PLCL1: variants seen among roughly 807,000 people sequenced by gnomAD.
The protein encoded by PLCL1 is phospholipase C like 1 (inactive), also known as inactive phospholipase C-like protein 1.
A neutral mutation model predicts 84.4 loss-of-function variants in PLCL1; 41 were observed. That is an observed-to-expected ratio of 0.49 (90% CI 0.38 to 0.63). The LOEUF is 0.63. Ranked by LOEUF, PLCL1 falls within the 30% of genes least tolerant of loss-of-function variation. The pLI is 0.00. For missense variants in PLCL1, 1,206 were observed against 1,367.8 expected, an observed-to-expected ratio of 0.88 and a Z score of 1.87; for synonymous variants, 490 against 488.3, an observed-to-expected ratio of 1.00 and a Z score of -0.05.
At chr2:198,146,651 A>C (rs1285360650) in intron 5 of PLCL1, 129 bp from the exon 6 acceptor site, 36 of 693,738 alleles carry the variant, frequency 5.2e-5, no homozygotes, top group Admixed American at 1.2e-4. Context: ...AAACCCTGGA[A>C]AAGTGAGCTT....
intron 1 of PLCL1, among the ~76,000 whole-genome samples, chr2:197,817,021 G>A (rs1402139240): frequency 6.6e-6 from 1 of 152,122 alleles, no homozygotes; most frequent in Non-Finnish European, 1.5e-5. Flanking sequence ...TTAGTGTCAT[G>A]GCCAAATGGT....
intron 1 of PLCL1, among the ~76,000 whole-genome samples, chr2:198,026,000 A>C (rs1355860302): frequency 3.3e-5 from 5 of 152,168 alleles, no homozygotes; most frequent in African/African-American, 1.2e-4. Flanking sequence ...TTGTCTCTTT[A>C]TAGGTTTAGT....
chr2:197,815,394 T>A (rs1690666977), intron 1 of PLCL1, among the ~76,000 whole-genome samples: 1 of 152,172 alleles, frequency 6.6e-6, no homozygotes, highest in Admixed American at 6.5e-5. Context: ...AAAACATTCC[T>A]TTCAGAATAT....
chr2:197,993,323 A>G (rs1044582591), intron 1 of PLCL1, among the ~76,000 whole-genome samples: 1 of 152,084 alleles, frequency 6.6e-6, no homozygotes, highest in Non-Finnish European at 1.5e-5. Context: ...AGAAATGTCT[A>G]TTCAAGTCCT....
chr2:198,049,748 G>A (rs764799498), intron 1 of PLCL1, among the ~76,000 whole-genome samples: 2 of 152,204 alleles, frequency 1.3e-5, no homozygotes, highest in Non-Finnish European at 2.9e-5. Context: ...GCTTACAACT[G>A]TGTGGTGGTC....
intron 3 of PLCL1, among the ~76,000 whole-genome samples, chr2:198,100,367 T>G (rs1295644333): frequency 6.6e-6 from 1 of 150,902 alleles, no homozygotes; most frequent in Non-Finnish European, 1.5e-5. Flanking sequence ...ATATGGGGAG[T>G]GAGAAGGAGA....
chr2:198,089,160 G>A lies in PLCL1; in HGVS notation c.2919+99G>A. On this transcript the variant is annotated intron_variant, in intron 3 of 5. Transcript: ENST00000428675. ...GGAACTCCAATGAATAACACAGGGT[G>A]ACTACCTTTGAAACATGGATTGGAG... is the stretch of plus-strand genomic sequence containing the variant. 8.4e-6 allele frequency: 7 copies of A among 830,224 alleles called. No individual in the cohort carries two copies. In the South Asian group the frequency reaches 1.0e-4, roughly 12 times the overall value. The allele number at this position is 830,224 out of a possible 1,614,324, so 51.4% of individuals were successfully genotyped here.
intron 1 of PLCL1, among the ~76,000 whole-genome samples, chr2:197,993,432 T>A (rs1221338381): frequency 7.9e-5 from 12 of 152,154 alleles, no homozygotes. Context: ...GTGTGCTCCA[T>A]CATCAGGGTC....
At chr2:198,046,369 C>G (rs13022936) in intron 1 of PLCL1, among the ~76,000 whole-genome samples, 1 of 152,086 alleles carries the variant, frequency 6.6e-6, no homozygotes, top group African/African-American at 2.4e-5. Flanking sequence ...TACCAAGATG[C>G]TAAAGGAGAA....
Position 197,833,971 on chromosome 2 carries a change from T to C in PLCL1, c.240+28632T>C, listed in dbSNP as rs145443837. On this transcript the variant is annotated intron_variant, in intron 1 of 5. Transcript: ENST00000428675. The stretch of plus-strand genomic sequence containing the variant: ...TGGTACTGGTACCAAAACAGATATA[T>C]AGATCAGTGGAACAGAACAGAGGCC... Among the ~76,000 whole-genome samples the C allele has an allele frequency of 1.4e-3, 220 of 152,234 alleles. 4 individuals carry two copies. The East Asian group carries it at 0.032, about 22-fold the overall frequency.
chr2:197,923,424 T>G (rs1383208507), intron 1 of PLCL1, among the ~76,000 whole-genome samples: 7 of 118,348 alleles, frequency 5.9e-5, no homozygotes, highest in East Asian at 5.4e-4. Flanking sequence ...AGGCAGAGGG[T>G]CTCCTCACTT....
chr2:197,836,085 CCA>C (rs1277270495), intron 1 of PLCL1, among the ~76,000 whole-genome samples: 3 of 151,964 alleles, frequency 2.0e-5, no homozygotes, highest in Non-Finnish European at 4.4e-5. Flanking sequence ...TTGGCTGTTG[CCA>C]GTAGAAAGCA....
intron 1 of PLCL1, among the ~76,000 whole-genome samples, chr2:197,824,614 T>C (rs907790118): frequency 2.7e-5 from 4 of 149,918 alleles, no homozygotes; most frequent in African/African-American, 4.9e-5. Flanking sequence ...CTCTGGAGGC[T>C]GAGATGGGAG....
intron 1 of PLCL1, among the ~76,000 whole-genome samples, chr2:197,969,343 A>G (rs1689813159): frequency 1.3e-5 from 2 of 152,194 alleles, no homozygotes; most frequent in African/African-American, 2.4e-5. Flanking sequence ...TATGTCCTCT[A>G]TAATAGAGTT....
chr2:198,102,678 G>A (rs1267635186), intron 4 of PLCL1, among the ~76,000 whole-genome samples: 1 of 152,070 alleles, frequency 6.6e-6, no homozygotes, highest in Non-Finnish European at 1.5e-5. Flanking sequence ...AGCTGAATAT[G>A]TTTGAATGGT....
At chr2:197,848,118 G>A (rs759137361) in intron 1 of PLCL1, among the ~76,000 whole-genome samples, 1 of 152,184 alleles carries the variant, frequency 6.6e-6, no homozygotes, top group Non-Finnish European at 1.5e-5. Flanking sequence ...GTATACCAGT[G>A]AATTTATTTC....
At chr2:197,936,191 G>T (rs957491577) in intron 1 of PLCL1, among the ~76,000 whole-genome samples, 6 of 144,154 alleles carry the variant, frequency 4.2e-5, no homozygotes, top group South Asian at 2.2e-4. Context: ...GGTTGATACC[G>T]CATCTTAGCT....
chr2:198,001,603 T>C (rs1336605138), intron 1 of PLCL1, among the ~76,000 whole-genome samples: 1 of 152,200 alleles, frequency 6.6e-6, no homozygotes, highest in Non-Finnish European at 1.5e-5. Context: ...TCCTATTATG[T>C]TTGAGAGGTT....
rs763066278 is a variant in PLCL1 at position 197,818,040 on chromosome 2, G to A, written c.240+12701G>A. On this transcript the variant is annotated intron_variant, in intron 1 of 5. Coordinates refer to ENST00000428675, the MANE Select transcript of PLCL1 (RefSeq NM_006226.4). ...CAAGGGAGGACTGTTCTGGGTTGTCGATAGTGATGATTGGCGTTAAAAGTA... is the reference window on the plus strand; with the variant it reads ...CAAGGGAGGACTGTTCTGGGTTGTCAATAGTGATGATTGGCGTTAAAAGTA... Among the ~76,000 whole-genome samples, 7 of 151,994 alleles carry A rather than the reference G, an allele frequency of 4.6e-5. No homozygotes were observed. The East Asian group carries it at 5.8e-4, about 13-fold the overall frequency.
Sources: gnomAD v4.1 joint callset for allele counts (sites outside exome capture counted in the v4.1 genomes callset) on GRCh38, gnomAD v4.1.1 for gene constraint, MANE v1.5 for transcripts, NCBI Gene and HGNC (gene_info 2026-07-23, HGNC 2026-07-21) for gene names.